The following EPHA6 variants were observed in gnomAD, a reference collection of about 807,000 sequenced individuals.
EPHA6 encodes EPH receptor A6.
Under a neutral mutation model 112.0 loss-of-function variants are expected in EPHA6, and 50 were observed. The observed-to-expected ratio is 0.45, with a 90% confidence interval of 0.36 to 0.56. The LOEUF is 0.56. EPHA6 is among the 20% of genes least tolerant of loss of function. The pLI is 0.00. For synonymous variants in EPHA6, 529 were observed against 490.7 expected, an observed-to-expected ratio of 1.08 and a Z score of -1.03; for missense variants, 1,280 against 1,417.4, an observed-to-expected ratio of 0.90 and a Z score of 1.56.
At chr3:97,435,641 A>C (rs897642167) in intron 6 of EPHA6, among the ~76,000 whole-genome samples, 16 of 152,208 alleles carry the variant, frequency 1.1e-4, no homozygotes, top group African/African-American at 3.6e-4. Context: ...TACATAGTCC[A>C]TAAATATTTA....
intron 3 of EPHA6, among the ~76,000 whole-genome samples, chr3:97,174,848 G>C (rs576572149): frequency 3.7e-4 from 56 of 151,830 alleles, no homozygotes; most frequent in Non-Finnish European, 6.8e-4. Context: ...TCAGTGGGTT[G>C]TCTATTCACT....
intron 5 of EPHA6, among the ~76,000 whole-genome samples, chr3:97,354,596 C>G (rs2083973402): frequency 6.6e-6 from 1 of 151,836 alleles, no homozygotes; most frequent in African/African-American, 2.4e-5. Context: ...ATGAAGCACA[C>G]CTACAGGATC....
chr3:97,091,387 C>T (rs1365491493), intron 3 of EPHA6, among the ~76,000 whole-genome samples: 2 of 152,050 alleles, frequency 1.3e-5, no homozygotes, highest in African/African-American at 2.4e-5. Context: ...TACACTGGAT[C>T]GGTGTTTTTA....
intron 3 of EPHA6, among the ~76,000 whole-genome samples, chr3:97,030,437 C>T (rs377409127): frequency 2.0e-5 from 3 of 151,998 alleles, no homozygotes; most frequent in African/African-American, 4.8e-5. Context: ...GATGTCTTGC[C>T]GTCATCCAGA....
In EPHA6 at chr3:96,839,162, C is replaced by T. The variant is rs569111509; in HGVS notation, c.385+24154C>T. Among the ~76,000 whole-genome samples the T allele has an allele frequency of 3.9e-5, 6 of 152,168 alleles. No individual in the cohort carries two copies. In the East Asian group the frequency reaches 9.7e-4, roughly 25 times the overall value. On this transcript the variant is annotated intron_variant, in intron 1 of 17. Transcript: ENST00000389672. ...TTAGTATCCCCTACAGCAGAGGTCC[C>T]CAGCCCTGGGCTGCAGACTGGTACT...
intron 5 of EPHA6, among the ~76,000 whole-genome samples, chr3:97,378,942 G>T (rs935182536): frequency 6.6e-6 from 1 of 152,098 alleles, no homozygotes; most frequent in African/African-American, 2.4e-5. Context: ...AGACTTTGGG[G>T]GACAGTTAGG....
At chr3:97,482,040 T>A (rs2091568225) in intron 9 of EPHA6, among the ~76,000 whole-genome samples, 1 of 152,218 alleles carries the variant, frequency 6.6e-6, no homozygotes, top group Non-Finnish European at 1.5e-5. Context: ...CAACTGATGT[T>A]TAAGAAGACG....
intron 3 of EPHA6, among the ~76,000 whole-genome samples, chr3:97,174,902 G>A (rs995513398): frequency 6.6e-6 from 1 of 151,808 alleles, no homozygotes; most frequent in African/African-American, 2.4e-5. Flanking sequence ...TCAACTTGAT[G>A]TGATTTCATT....
intron 12 of EPHA6, among the ~76,000 whole-genome samples, chr3:97,609,326 T>C (rs1168287080): frequency 6.6e-6 from 1 of 151,392 alleles, no homozygotes; most frequent in Non-Finnish European, 1.5e-5. Context: ...TTTCTATCAG[T>C]CTCCTACCTC....
intron 14 of EPHA6, among the ~76,000 whole-genome samples, chr3:97,686,889 A>G (rs2032289035): frequency 6.6e-6 from 1 of 152,206 alleles, no homozygotes; most frequent in African/African-American, 2.4e-5. Flanking sequence ...GCTTTAGGGT[A>G]TACATTGTTT....
intron 6 of EPHA6, among the ~76,000 whole-genome samples, chr3:97,418,083 A>T (rs1421369645): frequency 6.6e-6 from 1 of 152,006 alleles, no homozygotes; most frequent in Admixed American, 6.6e-5. Context: ...CAATCAGGAG[A>T]TTGAGAAAAA....
At chr3:97,129,315 C>T (rs570281640) in intron 3 of EPHA6, among the ~76,000 whole-genome samples, 9 of 151,962 alleles carry the variant, frequency 5.9e-5, no homozygotes, top group South Asian at 2.1e-4. Flanking sequence ...CTGGCTAACA[C>T]GGTGAAACCC....
At chr3:97,167,709 A>G (rs1436266631) in intron 3 of EPHA6, among the ~76,000 whole-genome samples, 3 of 152,114 alleles carry the variant, frequency 2.0e-5, no homozygotes, top group Non-Finnish European at 2.9e-5. Flanking sequence ...TCATTAAGAC[A>G]CTTTGCATGA....
chr3:97,106,124 T>A (rs2047559997), intron 3 of EPHA6, among the ~76,000 whole-genome samples: 1 of 152,020 alleles, frequency 6.6e-6, no homozygotes, highest in African/African-American at 2.4e-5. Flanking sequence ...TAAAAGCAAA[T>A]TTTTGCCTGC....
At chr3:97,162,604 T>C (rs896318616) in intron 3 of EPHA6, among the ~76,000 whole-genome samples, 12 of 152,112 alleles carry the variant, frequency 7.9e-5, no homozygotes, top group African/African-American at 2.2e-4. Flanking sequence ...TTTTTCCCAA[T>C]GCACTCTTAC....
At chr3:97,089,880 A>T (rs2047009935) in intron 3 of EPHA6, among the ~76,000 whole-genome samples, 1 of 152,082 alleles carries the variant, frequency 6.6e-6, no homozygotes, top group South Asian at 2.1e-4. Context: ...AACTGATGTG[A>T]TGCTGGTTTA....
intron 5 of EPHA6, among the ~76,000 whole-genome samples, chr3:97,338,069 T>C (rs2083140731): frequency 6.6e-6 from 1 of 152,070 alleles, no homozygotes; most frequent in South Asian, 2.1e-4. Flanking sequence ...TGAAGAACTT[T>C]CAGATAATGG....
At chr3:96,909,133 A>G (rs1266280831) in intron 2 of EPHA6, among the ~76,000 whole-genome samples, 1 of 151,958 alleles carries the variant, frequency 6.6e-6, no homozygotes, top group Non-Finnish European at 1.5e-5. Flanking sequence ...TTCTCCTTAT[A>G]TTAAAAATCA....
At chr3:97,202,127 A>G (rs2077591128) in intron 3 of EPHA6, among the ~76,000 whole-genome samples, 1 of 152,064 alleles carries the variant, frequency 6.6e-6, no homozygotes, top group Admixed American at 6.6e-5. Flanking sequence ...AGAGACATAA[A>G]TGAATATTGC....
Sources: allele counts gnomAD v4.1 joint callset (sites outside exome capture counted in the v4.1 genomes callset), GRCh38; gene constraint gnomAD v4.1.1; transcripts MANE v1.5; gene names NCBI Gene and HGNC (gene_info 2026-07-23, HGNC 2026-07-21).